The following GALNT13 variants were observed in gnomAD, a reference collection of about 807,000 sequenced individuals.
GALNT13 encodes UDP-GalNAc:polypeptide N-acetylgalactosaminyltransferase 13.
A neutral mutation model predicts 64.2 loss-of-function variants in GALNT13; 28 were observed. That is an observed-to-expected ratio of 0.44 (90% CI 0.32 to 0.60). The LOEUF (loss-of-function observed/expected upper bound fraction) is 0.60. Ranked by LOEUF, GALNT13 falls within the 20% of genes least tolerant of loss-of-function variation. GALNT13 has a pLI of 0.05. For missense variants in GALNT13, 577 were observed against 669.8 expected (o/e 0.86, Z 1.53); for synonymous variants, 214 against 224.6 (o/e 0.95, Z 0.42).
At chr2:154,019,685 T>A (rs1558911669) in intron 3 of GALNT13, among the ~76,000 whole-genome samples, 2 of 117,162 alleles carry the variant, frequency 1.7e-5, no homozygotes. Flanking sequence ...GTTTAAATGA[T>A]TTTTTGTTTT....
At chr2:153,482,304 CAG>C in the GALNT13 span, among the ~76,000 whole-genome samples, 1 of 152,034 alleles carries the variant, frequency 6.6e-6, no homozygotes, top group Admixed American at 6.6e-5. Context: ...AAGGAAAAAA[CAG>C]AATGTTAAAC....
At chr2:154,158,281 T>C (rs1175955345) in intron 4 of GALNT13, among the ~76,000 whole-genome samples, 1 of 152,098 alleles carries the variant, frequency 6.6e-6, no homozygotes, top group Non-Finnish European at 1.5e-5. Context: ...GAAACTCCAT[T>C]CTTTCATTTG....
chr2:154,149,364 T>C (rs1240410222), intron 4 of GALNT13, among the ~76,000 whole-genome samples: 1 of 152,234 alleles, frequency 6.6e-6, no homozygotes, highest in African/African-American at 2.4e-5. Context: ...GGTAGCGTGA[T>C]GCCTCCAGCT....
At chr2:154,132,130 C>T (rs2105550367) in intron 3 of GALNT13, among the ~76,000 whole-genome samples, 1 of 152,230 alleles carries the variant, frequency 6.6e-6, no homozygotes, top group Non-Finnish European at 1.5e-5. Flanking sequence ...AGGTTAATCT[C>T]CTTTGGCCAC....
chr2:154,128,952 G>A (rs1378572240), intron 3 of GALNT13, among the ~76,000 whole-genome samples: 2 of 152,004 alleles, frequency 1.3e-5, no homozygotes, highest in African/African-American at 4.8e-5. Context: ...TGAATTTACT[G>A]GTAAAATATG....
chr2:154,172,582 G>A (rs543432438), intron 4 of GALNT13, among the ~76,000 whole-genome samples: 5 of 151,978 alleles, frequency 3.3e-5, no homozygotes, highest in East Asian at 1.9e-4. Context: ...TTAACATGAC[G>A]TCAAGTTCCA....
At chr2:153,774,314 C>G in the GALNT13 span, among the ~76,000 whole-genome samples, 1 of 152,020 alleles carries the variant, frequency 6.6e-6, no homozygotes, top group South Asian at 2.1e-4. Context: ...TCTTTTCTCT[C>G]TCTCTCCCTT....
At chr2:153,470,218 C>T in the GALNT13 span, among the ~76,000 whole-genome samples, 4 of 151,986 alleles carry the variant, frequency 2.6e-5, no homozygotes. Context: ...CTCCAGCAGC[C>T]CTCTTGCTTT....
At chr2:154,154,934 TTGTGTGTGTG>T (rs60456139) in intron 4 of GALNT13, among the ~76,000 whole-genome samples, 2,455 of 149,352 alleles carry the variant, frequency 0.016, 55 homozygotes, top group African/African-American at 0.055. Context: ...TTGTTTATGT[TTGTGTGTGTG>T]TGTGTGTGTG....
At chr2:154,051,501 A>T (rs1462781193) in intron 3 of GALNT13, among the ~76,000 whole-genome samples, 2 of 151,422 alleles carry the variant, frequency 1.3e-5, no homozygotes, top group Non-Finnish European at 2.9e-5. Flanking sequence ...CTTGTTAGCC[A>T]GGATGGTCTC....
chr2:153,907,990 T>A (rs1248158075), intron 2 of GALNT13, among the ~76,000 whole-genome samples: 1 of 152,150 alleles, frequency 6.6e-6, no homozygotes, highest in African/African-American at 2.4e-5. Context: ...TGACATTGCT[T>A]TCCACAATAG....
chr2:153,379,138 A>G, the GALNT13 span, among the ~76,000 whole-genome samples: 2 of 152,168 alleles, frequency 1.3e-5, no homozygotes, highest in Admixed American at 1.3e-4. Flanking sequence ...ATTATGCACT[A>G]AGATCTTTTT....
intron 9 of GALNT13, among the ~76,000 whole-genome samples, chr2:154,338,320 T>C (rs1415935742): frequency 6.6e-6 from 1 of 151,678 alleles, no homozygotes; most frequent in African/African-American, 2.4e-5. Flanking sequence ...TAGTCAACTT[T>C]ATAGGTGAAA....
chr2:153,875,477 G>C (rs1218076811), intron 1 of GALNT13, among the ~76,000 whole-genome samples: 2 of 152,032 alleles, frequency 1.3e-5, no homozygotes, highest in East Asian at 3.9e-4. Flanking sequence ...AACTTACTGG[G>C]CAGTCATTTC....
chr2:153,667,884 C>A, the GALNT13 span, among the ~76,000 whole-genome samples: 1 of 151,962 alleles, frequency 6.6e-6, no homozygotes, highest in Non-Finnish European at 1.5e-5. Flanking sequence ...AGGGACCCAT[C>A]TAACAATCAA....
At chr2:153,594,057 A>G in the GALNT13 span, among the ~76,000 whole-genome samples, 13 of 152,274 alleles carry the variant, frequency 8.5e-5, no homozygotes, top group East Asian at 2.1e-3. Context: ...AATTAGGGTA[A>G]TTATTATTAA....
the GALNT13 span, among the ~76,000 whole-genome samples, chr2:153,672,554 T>A: frequency 6.6e-6 from 1 of 152,152 alleles, no homozygotes; most frequent in Non-Finnish European, 1.5e-5. Context: ...GCTAAAGCAG[T>A]GTGTAGGGGG....
the GALNT13 span, among the ~76,000 whole-genome samples, chr2:153,630,250 A>T: frequency 6.6e-6 from 1 of 151,984 alleles, no homozygotes; most frequent in Non-Finnish European, 1.5e-5. Flanking sequence ...AACCAACCCA[A>T]ATGTCCAACA....
At chr2:153,485,774 C>T in the GALNT13 span, among the ~76,000 whole-genome samples, 1 of 152,090 alleles carries the variant, frequency 6.6e-6, no homozygotes, top group Non-Finnish European at 1.5e-5. Context: ...GTGGTGCATG[C>T]CTATAGTCCC....
Sources: allele counts gnomAD v4.1 joint callset (sites outside exome capture counted in the v4.1 genomes callset), GRCh38; gene constraint gnomAD v4.1.1; transcripts MANE v1.5; gene names NCBI Gene and HGNC (gene_info 2026-07-23, HGNC 2026-07-21).